Variants in SRPRA observed in about 807,000 individuals in gnomAD.
SRPRA encodes the protein signal recognition particle receptor subunit alpha.
A neutral mutation model predicts 61.1 loss-of-function variants in SRPRA; 30 were observed. The ratio of observed to expected loss-of-function variants is 0.49; its 90% confidence interval spans 0.37 to 0.67. The LOEUF (loss-of-function observed/expected upper bound fraction) is 0.67, where lower values mean the gene tolerates loss of function less well. Ranked by LOEUF, SRPRA falls within the 30% of genes least tolerant of loss-of-function variation. The pLI, the probability that SRPRA is intolerant of heterozygous loss-of-function variation, is 0.00. For synonymous variants in SRPRA, 324 were observed against 299.7 expected, an observed-to-expected ratio of 1.08 and a Z score of -0.84; for missense variants, 759 against 828.4, an observed-to-expected ratio of 0.92 and a Z score of 1.03.
chr11:126,266,888 G>A lies in SRPRA; in HGVS notation c.561C>T (p.Val187=), dbSNP rs766081101. The A allele has an allele frequency of 6.2e-7, 1 of 1,614,150 alleles. No homozygotes were observed. The highest frequency in any genetic ancestry group is 1.1e-5 in the South Asian group (1 of 91,070). The change falls in exon 5 of 14, where the codon GTC becomes GTT. Residue 187 remains valine, a synonymous_variant. Coordinates refer to ENST00000332118, the MANE Select transcript of SRPRA (RefSeq NM_003139.4). ...CTGGAAGACCTGACTTTTCTGCAGGGACTGGTTTGCTGGTAGCCAAAGGAC... is the reference window on the plus strand; with the variant it reads ...CTGGAAGACCTGACTTTTCTGCAGGAACTGGTTTGCTGGTAGCCAAAGGAC... The part of the protein sequence containing the change: ...SDGPLATSKP[V]PAEKSGLPVG...
At chr11:126,238,735 C>A in the SRPRA span, among the ~76,000 whole-genome samples, 1 of 152,116 alleles carries the variant, frequency 6.6e-6, no homozygotes, top group Admixed American at 6.6e-5. Flanking sequence ...CCCCACCAGC[C>A]CCTCTACCTT....
In SRPRA at chr11:126,268,738, C is replaced by T; in HGVS notation, c.67G>A (p.Asp23Asn). 6.2e-7 allele frequency: 1 copy of T among 1,613,878 alleles called. No homozygotes were observed. The highest frequency in any genetic ancestry group is 8.5e-7 in the Non-Finnish European group (1 of 1,180,032). ...LVLWCFQGVS[D>N]SCTGPVNALI... Reference sequence around the variant, plus strand: ...GCGTTAACGGGTCCGGTGCATGAGTCGCTAACGCCCTGGAAGCACCAGAGC... The same window carrying T: ...GCGTTAACGGGTCCGGTGCATGAGTTGCTAACGCCCTGGAAGCACCAGAGC... Residue 23 changes from aspartate (D) to asparagine (N), a missense_variant, in exon 1 of 14, where the codon GAC becomes AAC. By Grantham distance (23) the Asp-to-Asn change is conservative. Around this residue, in one of 2 missense-constraint regions of SRPRA, gnomAD observed 475 missense variants for 462.5 expected, o/e 1.03. Transcript: ENST00000332118.
At chr11:126,256,983 CCA>C in the SRPRA span, 1 of 904,796 alleles carries the variant, frequency 1.1e-6, no homozygotes, top group Admixed American at 2.5e-5. This position sits in a 1 kb window ranked among gnomAD's most constrained non-coding sequence, Gnocchi z 6.6. Context: ...GTAAAGGAGG[CCA>C]CAGTCTTCAG....
the SRPRA span, among the ~76,000 whole-genome samples, chr11:126,248,895 AC>A: frequency 6.6e-6 from 1 of 152,232 alleles, no homozygotes; most frequent in Non-Finnish European, 1.5e-5. Flanking sequence ...ATCAGATATT[AC>A]ATCACATTAC....
At chr11:126,262,126 GTACAT>G (rs1950714132), downstream of SRPRA, 17 of 1,613,982 alleles carry the variant, frequency 1.1e-5, no homozygotes, top group Non-Finnish European at 1.4e-5. Flanking sequence ...ACAGGCTGTA[GTACAT>G]GAGCGAGCTA....
chr11:126,259,919 A>G (rs541981114), downstream of SRPRA, among the ~76,000 whole-genome samples: 2 of 149,132 alleles, frequency 1.3e-5, no homozygotes, highest in African/African-American at 5.0e-5. Flanking sequence ...ACAGCGTTTC[A>G]CTGTGTTAGC....
downstream of SRPRA, chr11:126,262,130 A>G (rs1349496914): frequency 1.2e-6 from 2 of 1,613,986 alleles, no homozygotes; most frequent in African/African-American, 1.3e-5. Flanking sequence ...GCTGTAGTAC[A>G]TGAGCGAGCT....
chr11:126,243,486 A>T, the SRPRA span, among the ~76,000 whole-genome samples: 2 of 151,674 alleles, frequency 1.3e-5, no homozygotes, highest in African/African-American at 4.8e-5. Flanking sequence ...AAAAAGGAAA[A>T]CTACAAACCA....
downstream of SRPRA, among the ~76,000 whole-genome samples, chr11:126,259,219 G>T (rs12804014): frequency 1.3e-5 from 2 of 152,030 alleles, no homozygotes; most frequent in African/African-American, 4.8e-5. Context: ...AGAGGTTACA[G>T]GTCTTTTGCT....
chr11:126,263,330 T>C lies in SRPRA; in HGVS notation c.*586A>G, dbSNP rs973498264. 1 of 152,650 alleles carries C rather than the reference T, an allele frequency of 6.6e-6. No individual in the cohort carries two copies. Among genetic ancestry groups the C allele is most frequent in the African/African-American group, 2.4e-5 (1 of 41,458 alleles). 9.5% of individuals were successfully genotyped at this position (152,650 alleles called of 1,614,324 possible). A position where few individuals can be genotyped will look rare whatever the true frequency, so the allele number is the denominator to read the frequency against. ...AGCAAGGACTCATCTTTTGCTCATT[T>C]GTAACAAATCACTCCAGCCTAGCTG... On this transcript the variant is annotated 3_prime_UTR_variant, in exon 14 of 14. Transcript: ENST00000332118.
At chr11:126,252,968 G>C in the SRPRA span, among the ~76,000 whole-genome samples, 1 of 152,200 alleles carries the variant, frequency 6.6e-6, no homozygotes, top group Non-Finnish European at 1.5e-5. The surrounding 1 kb of genome is among the most constrained non-coding windows in gnomAD (Gnocchi z 4.7). Context: ...CCAGGAGGCA[G>C]AGGTTTCAGT....
Position 126,268,699 on chromosome 11 carries a change from C to G in SRPRA, c.106G>C (p.Val36Leu), listed in dbSNP as rs1473519481. The G allele has an allele frequency of 6.2e-7, 1 of 1,613,450 alleles. No homozygotes were observed. Among genetic ancestry groups the G allele is most frequent in the Non-Finnish European group, 8.5e-7 (1 of 1,179,780 alleles). Reference protein sequence around the residue: ...TGPVNALIRSVLLQERGGNNS... With the variant: ...TGPVNALIRSLLLQERGGNNS... ...CACGGGGACGGTACCTGCAGCAGCA[C>G]GGAACGAATCAACGCGTTAACGGGT... The change falls in exon 1 of 14, where the codon GTG becomes CTG. Residue 36 changes from valine (V) to leucine (L), a missense_variant. Physicochemically the swap from Val to Leu is conservative, Grantham distance 32. Transcript: ENST00000332118.
the SRPRA span, among the ~76,000 whole-genome samples, chr11:126,250,327 G>A: frequency 6.6e-6 from 1 of 152,066 alleles, no homozygotes; most frequent in African/African-American, 2.4e-5. This position sits in a 1 kb window ranked among gnomAD's most constrained non-coding sequence, Gnocchi z 5.1. Context: ...TCCTGACCTC[G>A]TGATCCGCCC....
chr11:126,237,182 C>T, the SRPRA span, among the ~76,000 whole-genome samples: 1 of 139,352 alleles, frequency 7.2e-6, no homozygotes, highest in Non-Finnish European at 1.5e-5. Context: ...TCCTAAAGTG[C>T]AGGGATTACA....
Position 126,264,660 on chromosome 11 carries a change from C to T in SRPRA, c.1526-121G>A, listed in dbSNP as rs1950771311. On this transcript the variant is annotated intron_variant, in intron 11 of 13. Transcript: ENST00000332118. The surrounding 1 kb of genome is among the most constrained non-coding windows in gnomAD (Gnocchi z 5.0). ...ACTGTCTTGGGCTCTGGATTTGGTT[C>T]CAAGGTAATGTGAGAAAAACTTGAT... 1.6e-6 allele frequency: 2 copies of T among 1,250,440 alleles called. No homozygotes were observed. The highest frequency in any genetic ancestry group is 4.9e-5 in the East Asian group (2 of 40,454). 77.5% of individuals were successfully genotyped at this position (1,250,440 alleles called of 1,614,324 possible).
At position 126,263,722 on chromosome 11, in the gene SRPRA, T is replaced by C. The variant is rs990906810; in HGVS notation, c.*194A>G. On this transcript the variant is annotated 3_prime_UTR_variant, in exon 14 of 14. Coordinates refer to ENST00000332118, the MANE Select transcript of SRPRA (RefSeq NM_003139.4). ...GGAGAGGGTCAGTGGGCAGTGATTG[T>C]AACATGATTAGGCCTTCCTTGCAGA... is the stretch of plus-strand genomic sequence containing the variant. The C allele has an allele frequency of 6.6e-6, 5 of 759,870 alleles. No individual in the cohort carries two copies. In the African/African-American group the frequency reaches 7.0e-5, roughly 11 times the overall value. 47.1% of individuals were successfully genotyped at this position (759,870 alleles called of 1,614,324 possible).
chr11:126,237,220 T>TTC, the SRPRA span, among the ~76,000 whole-genome samples: 1 of 101,976 alleles, frequency 9.8e-6, no homozygotes, highest in Non-Finnish European at 2.0e-5. Context: ...CTGGCCTTTT[T>TTC]TTTTTTTTTT....
At position 126,263,740 on chromosome 11, in the gene SRPRA, C is replaced by A; in HGVS notation, c.*176G>T. ...GTGATTGTAACATGATTAGGCCTTC[C>A]TTGCAGATGGCGGCTGTGCTGAACG... On this transcript the variant is annotated 3_prime_UTR_variant, in exon 14 of 14. Transcript: ENST00000332118. The A allele has an allele frequency of 1.1e-6, 1 of 905,230 alleles. No individual in the cohort carries two copies. The highest frequency in any genetic ancestry group is 2.5e-5 in the East Asian group (1 of 39,944). The allele number at this position is 905,230 out of a possible 1,614,324, so 56.1% of individuals were successfully genotyped here. A position where few individuals can be genotyped will look rare whatever the true frequency, so the allele number is the denominator to read the frequency against.
In SRPRA at chr11:126,268,671, T is replaced by G; in HGVS notation, c.117+17A>C. The stretch of plus-strand genomic sequence containing the variant: ...AGGAAAGAAGAGCCTGGAGTTCTGA[T>G]CCCACGGGGACGGTACCTGCAGCAG... On this transcript the variant is annotated intron_variant, in intron 1 of 13. Coordinates refer to ENST00000332118, the MANE Select transcript of SRPRA (RefSeq NM_003139.4). 6.2e-7 allele frequency: 1 copy of G among 1,606,258 alleles called. No homozygotes were observed. Among genetic ancestry groups the G allele is most frequent in the Middle Eastern group, 1.7e-4 (1 of 6,048 alleles).
Sources: gnomAD v4.1 joint callset for allele counts (sites outside exome capture counted in the v4.1 genomes callset) on GRCh38, gnomAD v4.1.1 for gene constraint, gnomAD v4.1.1 regional missense constraint, Gnocchi (gnomAD v3.1) non-coding constraint, MANE v1.5 for transcripts, NCBI Gene and HGNC (gene_info 2026-07-23, HGNC 2026-07-21) for gene names.